The following NRG1 variants were observed in gnomAD, a reference collection of about 807,000 sequenced individuals.
NRG1 encodes pro-neuregulin-1, membrane-bound isoform.
NRG1 carries 18 observed loss-of-function variants against 63.8 expected under a neutral mutation model. The observed-to-expected ratio is 0.28, with a 90% CI of 0.19 to 0.42. NRG1 has a LOEUF of 0.42. Among genes scored for constraint, NRG1 ranks in the 10% least tolerant of loss-of-function variants. The pLI, the probability that NRG1 is intolerant of heterozygous loss-of-function variation, is 1.00. For missense variants in NRG1, 762 were observed against 814.7 expected, an observed-to-expected ratio of 0.94 and a Z score of 0.79; for synonymous variants, 302 against 301.3, an observed-to-expected ratio of 1.00 and a Z score of -0.02.
chr8:31,774,883 C>T (rs1421781797), intron 1 of NRG1, among the ~76,000 whole-genome samples: 1 of 152,072 alleles, frequency 6.6e-6, no homozygotes, highest in African/African-American at 2.4e-5. Flanking sequence ...AATGCAATAC[C>T]ATTTTATACC....
At chr8:32,143,718 C>A (rs1163818436) in intron 1 of NRG1, among the ~76,000 whole-genome samples, 1 of 152,190 alleles carries the variant, frequency 6.6e-6, no homozygotes, top group African/African-American at 2.4e-5. Flanking sequence ...AGTATTCCAC[C>A]CAACACTTCA....
At chr8:31,660,968 G>A (rs1805934689) in intron 1 of NRG1, among the ~76,000 whole-genome samples, 1 of 152,102 alleles carries the variant, frequency 6.6e-6, no homozygotes. Context: ...CAGTACCTAA[G>A]TATTTATAAA....
intron 7 of NRG1, among the ~76,000 whole-genome samples, chr8:32,750,180 G>C (rs1487949201): frequency 6.6e-6 from 1 of 152,128 alleles, no homozygotes; most frequent in Non-Finnish European, 1.5e-5. Flanking sequence ...CTTATAAGAA[G>C]GAAATAGAAA....
intron 1 of NRG1, among the ~76,000 whole-genome samples, chr8:31,845,231 A>G (rs1261310939): frequency 1.3e-5 from 2 of 152,184 alleles, no homozygotes; most frequent in Non-Finnish European, 2.9e-5. Context: ...GGTTAGATAC[A>G]CATATTAAAT....
intron 1 of NRG1, among the ~76,000 whole-genome samples, chr8:31,798,777 A>T (rs937302271): frequency 5.9e-5 from 9 of 152,154 alleles, no homozygotes; most frequent in African/African-American, 2.2e-4. Context: ...AGGAGTCAGG[A>T]TTGAGAATCC....
At chr8:32,116,548 A>T (rs540711713) in intron 1 of NRG1, among the ~76,000 whole-genome samples, 20 of 152,290 alleles carry the variant, frequency 1.3e-4, no homozygotes, top group Non-Finnish European at 2.9e-4. Flanking sequence ...CTATTAGGCA[A>T]GAGTAAGTGG....
intron 1 of NRG1, among the ~76,000 whole-genome samples, chr8:31,704,138 T>G (rs1408624030): frequency 6.6e-6 from 1 of 152,260 alleles, no homozygotes; most frequent in African/African-American, 2.4e-5. Flanking sequence ...CCTATATTTC[T>G]ACAAAGGTCT....
intron 1 of NRG1, among the ~76,000 whole-genome samples, chr8:32,057,065 C>T (rs1823066202): frequency 6.6e-6 from 1 of 152,108 alleles, no homozygotes; most frequent in African/African-American, 2.4e-5. Flanking sequence ...GTTTCTGGGA[C>T]ACCTTCAAAG....
rs149723533 is a variant in NRG1, at chr8:32,452,381, C to T, written c.38-143447C>T. Among the ~76,000 whole-genome samples the T allele has an allele frequency of 4.6e-5, 7 of 151,580 alleles. No homozygotes were observed. The East Asian group carries it at 7.8e-4, about 17-fold the overall frequency. ...GAGGTGACATTTGAGTTGGGCCTTA[C>T]GTTGTATTTTATGAAATAAAAAAAG... On this transcript the variant is annotated intron_variant, in intron 1 of 10. Coordinates refer to the NRG1 transcript ENST00000519301.
rs1192514960 is a variant in NRG1 at position 31,908,277 on chromosome 8, C to T, written c.37+268846C>T. Among the ~76,000 whole-genome samples, 9 of 152,264 alleles carry T rather than the reference C, an allele frequency of 5.9e-5. No individual in the cohort carries two copies. In the South Asian group the frequency reaches 1.9e-3, roughly 32 times the overall value. On this transcript the variant is annotated intron_variant, in intron 1 of 10. Coordinates refer to the NRG1 transcript ENST00000519301. ...ATTCCTAAGTACAGGGGAAAAGCAT[C>T]GATTTGTAAGTCAACATGACATTAG... is the stretch of plus-strand genomic sequence containing the variant.
intron 1 of NRG1, among the ~76,000 whole-genome samples, chr8:32,230,184 C>T (rs1200636272): frequency 2.0e-5 from 3 of 152,060 alleles, no homozygotes; most frequent in Non-Finnish European, 4.4e-5. Flanking sequence ...ACTAAGAGCA[C>T]GAACTACAAC....
chr8:31,924,859 G>A (rs973876792), intron 1 of NRG1, among the ~76,000 whole-genome samples: 4 of 151,118 alleles, frequency 2.6e-5, no homozygotes, highest in Non-Finnish European at 5.9e-5. Context: ...CTTTAATCCA[G>A]GGGTTATTTA....
intron 1 of NRG1, among the ~76,000 whole-genome samples, chr8:32,304,094 G>A (rs187706621): frequency 7.6e-4 from 116 of 152,266 alleles, no homozygotes; most frequent in African/African-American, 2.5e-3. Context: ...TTTTAGAAAC[G>A]TTCATGAGTG....
intron 1 of NRG1, among the ~76,000 whole-genome samples, chr8:31,890,466 A>G (rs1831058361): frequency 6.6e-6 from 1 of 152,212 alleles, no homozygotes; most frequent in Non-Finnish European, 1.5e-5. Context: ...GGGAAGAGAC[A>G]AAGAGAATCC....
chr8:31,857,227 A>T (rs1458024257), intron 1 of NRG1, among the ~76,000 whole-genome samples: 1 of 152,188 alleles, frequency 6.6e-6, no homozygotes, highest in Non-Finnish European at 1.5e-5. Context: ...GCCGCCTTGC[A>T]GTTTGATCTC....
intron 1 of NRG1, among the ~76,000 whole-genome samples, chr8:31,927,473 G>T (rs1236945936): frequency 8.3e-6 from 1 of 119,882 alleles, no homozygotes; most frequent in African/African-American, 3.2e-5. Context: ...TTTTGAGACG[G>T]AGTCTCGCTC....
In NRG1 at chr8:32,665,721, A is replaced by G. The variant is rs536162431; in HGVS notation, c.502+48836A>G. On this transcript the variant is annotated intron_variant, in intron 5 of 11. Transcript: ENST00000356819. ...TGTGCTGCTCAAAAACAAGCCATTG[A>G]TATTAGACGTGTATCAAGCATACGT... Among the ~76,000 whole-genome samples, 16 of 152,304 alleles carry G rather than the reference A, an allele frequency of 1.1e-4. 1 individual carries two copies. In the South Asian group the frequency reaches 2.1e-3, roughly 20 times the overall value.
At chr8:32,204,246 A>G (rs752224295) in intron 1 of NRG1, among the ~76,000 whole-genome samples, 106 of 152,204 alleles carry the variant, frequency 7.0e-4, no homozygotes, top group Non-Finnish European at 1.2e-3. Flanking sequence ...TTCAGCTCTT[A>G]CTTGGTATAA....
At chr8:31,740,488 C>A (rs2131396825) in intron 1 of NRG1, among the ~76,000 whole-genome samples, 1 of 151,854 alleles carries the variant, frequency 6.6e-6, no homozygotes, top group African/African-American at 2.4e-5. Flanking sequence ...TTCTGTAATT[C>A]TTACTATTTT....
Sources: allele counts gnomAD v4.1 joint callset (sites outside exome capture counted in the v4.1 genomes callset), GRCh38; gene constraint gnomAD v4.1.1; transcripts MANE v1.5; gene names NCBI Gene and HGNC (gene_info 2026-07-23, HGNC 2026-07-21).